Variants in LRMDA observed in about 807,000 individuals in gnomAD.
The protein encoded by LRMDA is leucine-rich melanocyte differentiation-associated protein.
Under a neutral mutation model 29.8 loss-of-function variants are expected in LRMDA, and 18 were observed. The ratio of observed to expected loss-of-function variants is 0.60; its 90% CI spans 0.42 to 0.90. The LOEUF is 0.90. Among genes scored for constraint, LRMDA ranks in the 40% least tolerant of loss-of-function variants. The pLI is 0.00. For missense variants in LRMDA, 273 were observed against 273.9 expected (o/e 1.00, Z 0.02); for synonymous variants, 125 against 109.4 (o/e 1.14, Z -0.89).
intron 2 of LRMDA, among the ~76,000 whole-genome samples, chr10:75,989,277 T>C (rs1847317364): frequency 6.6e-6 from 1 of 152,246 alleles, no homozygotes; most frequent in African/African-American, 2.4e-5. Flanking sequence ...AGAGGATTAA[T>C]GGTTCTGCAG....
chr10:76,523,097 C>T (rs1312914860), intron 6 of LRMDA, among the ~76,000 whole-genome samples: 3 of 139,598 alleles, frequency 2.1e-5, no homozygotes, highest in South Asian at 2.4e-4. Flanking sequence ...AGATGTCATA[C>T]TGACCATTGA....
intron 2 of LRMDA, among the ~76,000 whole-genome samples, chr10:75,934,288 G>A (rs1018500334): frequency 1.7e-4 from 26 of 152,052 alleles, no homozygotes; most frequent in Middle Eastern, 3.2e-3. Context: ...TGGACCTTTC[G>A]GTTTTCTGGG....
chr10:75,476,191 A>T (rs1340631537), intron 2 of LRMDA, among the ~76,000 whole-genome samples: 1 of 152,224 alleles, frequency 6.6e-6, no homozygotes, highest in African/African-American at 2.4e-5. Context: ...ACTAGGGTTA[A>T]GTTGATTGGT....
chr10:75,750,727 G>T (rs1274317246), intron 2 of LRMDA, among the ~76,000 whole-genome samples: 1 of 150,106 alleles, frequency 6.7e-6, no homozygotes, highest in Non-Finnish European at 1.5e-5. Context: ...GGGGCGGGGG[G>T]GCAGAGGGGC....
chr10:75,514,165 T>G (rs1187018729), intron 2 of LRMDA, among the ~76,000 whole-genome samples: 1 of 10,296 alleles, frequency 9.7e-5, no homozygotes, highest in Non-Finnish European at 6.0e-4. Context: ...CCTTTACCTG[T>G]TTTTTTTTTT....
chr10:75,449,568 C>T (rs1564773976), intron 2 of LRMDA, among the ~76,000 whole-genome samples: 1 of 150,218 alleles, frequency 6.7e-6, no homozygotes, highest in Admixed American at 6.7e-5. Context: ...GTGGAAGTCA[C>T]TATACCAGGG....
chr10:76,478,257 C>A (rs1169910833), intron 6 of LRMDA, among the ~76,000 whole-genome samples: 2 of 152,120 alleles, frequency 1.3e-5, no homozygotes, highest in African/African-American at 4.8e-5. Context: ...AGACACTTCT[C>A]AAAAGAAGAC....
chr10:75,961,599 T>C (rs750965442), intron 2 of LRMDA, among the ~76,000 whole-genome samples: 1 of 152,198 alleles, frequency 6.6e-6, no homozygotes, highest in Non-Finnish European at 1.5e-5. Context: ...TCAGAGCTCC[T>C]ACTTCTCAGT....
chr10:75,758,764 C>T (rs185093148), intron 2 of LRMDA, among the ~76,000 whole-genome samples: 11 of 152,222 alleles, frequency 7.2e-5, no homozygotes, highest in Non-Finnish European at 2.9e-5. Context: ...GTTTAATATT[C>T]GTGTGGGGAT....
At chr10:76,084,312 C>T (rs2132082712) in intron 5 of LRMDA, among the ~76,000 whole-genome samples, 2 of 151,694 alleles carry the variant, frequency 1.3e-5, no homozygotes, top group South Asian at 4.2e-4. Flanking sequence ...ATTCTCCTGC[C>T]TCAGCCTCCC....
chr10:76,037,553 T>C (rs2132031172), intron 3 of LRMDA, among the ~76,000 whole-genome samples: 1 of 152,346 alleles, frequency 6.6e-6, no homozygotes, highest in Middle Eastern at 3.4e-3. Context: ...CACAGTACCG[T>C]ACATGAGGTG....
intron 2 of LRMDA, among the ~76,000 whole-genome samples, chr10:75,530,786 G>C (rs1845468259): frequency 1.3e-5 from 2 of 152,086 alleles, no homozygotes; most frequent in African/African-American, 4.8e-5. Flanking sequence ...GGTTTTATTG[G>C]GAGTGGAACC....
At chr10:75,857,134 A>T (rs1844841352) in intron 2 of LRMDA, among the ~76,000 whole-genome samples, 1 of 152,206 alleles carries the variant, frequency 6.6e-6, no homozygotes, top group Admixed American at 6.5e-5. Context: ...ATAAATGGGG[A>T]TCGATCATTG....
intron 5 of LRMDA, among the ~76,000 whole-genome samples, chr10:76,297,153 A>G (rs962897214): frequency 2.0e-5 from 3 of 152,252 alleles, no homozygotes; most frequent in Non-Finnish European, 4.4e-5. Context: ...GTTGCAATAA[A>G]TGTTATCTTA....
At chr10:76,139,194 C>CT (rs1423544295) in intron 5 of LRMDA, among the ~76,000 whole-genome samples, 3 of 152,102 alleles carry the variant, frequency 2.0e-5, no homozygotes, top group African/African-American at 7.2e-5. Flanking sequence ...GACTGGAAAT[C>CT]TTTTTTTCAG....
At chr10:75,788,313 C>G (rs540573772) in intron 2 of LRMDA, among the ~76,000 whole-genome samples, 6 of 152,358 alleles carry the variant, frequency 3.9e-5, no homozygotes, top group African/African-American at 1.2e-4. Context: ...AGAGACAAGG[C>G]TTCTCCTGTC....
chr10:75,906,945 C>G (rs1845769406), intron 2 of LRMDA, among the ~76,000 whole-genome samples: 1 of 152,212 alleles, frequency 6.6e-6, no homozygotes, highest in African/African-American at 2.4e-5. Flanking sequence ...TTCAATCTCT[C>G]TTTTTCCAGG....
At chr10:76,516,792 A>G (rs938582117) in intron 6 of LRMDA, among the ~76,000 whole-genome samples, 3 of 152,198 alleles carry the variant, frequency 2.0e-5, no homozygotes, top group Non-Finnish European at 4.4e-5. Flanking sequence ...GAATAGTGCC[A>G]CAATAAACAT....
At chr10:76,409,519 G>T (rs1429087309) in intron 6 of LRMDA, among the ~76,000 whole-genome samples, 1 of 152,090 alleles carries the variant, frequency 6.6e-6, no homozygotes, top group Non-Finnish European at 1.5e-5. Context: ...CCATAATTCT[G>T]ATACCCACAA....
Sources: gnomAD v4.1 joint callset for allele counts (sites outside exome capture counted in the v4.1 genomes callset) on GRCh38, gnomAD v4.1.1 for gene constraint, MANE v1.5 for transcripts, NCBI Gene and HGNC (gene_info 2026-07-23, HGNC 2026-07-21) for gene names.